The following RGS6 variants were observed in gnomAD, a reference collection of about 807,000 sequenced individuals.
RGS6 encodes regulator of G protein signaling 6, also known as regulator of G-protein signaling 6.
RGS6 carries 30 observed loss-of-function variants against 78.5 expected under a neutral mutation model. The ratio of observed to expected loss-of-function variants is 0.38; its 90% CI spans 0.29 to 0.52. The LOEUF (loss-of-function observed/expected upper bound fraction) is 0.52. RGS6 is among the 20% of genes least tolerant of loss of function. The pLI is 0.85. For missense variants in RGS6, 495 were observed against 609.7 expected (o/e 0.81, Z 1.98); for synonymous variants, 206 against 206.0 (o/e 1.00, Z 0.00).
intron 2 of RGS6, among the ~76,000 whole-genome samples, chr14:72,327,132 A>G (rs1000243922): frequency 2.6e-5 from 4 of 152,202 alleles, no homozygotes; most frequent in African/African-American, 9.7e-5. Context: ...TTTTTAATGT[A>G]TCCCCTTTTT....
intron 3 of RGS6, among the ~76,000 whole-genome samples, chr14:72,354,261 G>C (rs564673133): frequency 7.2e-4 from 110 of 152,114 alleles, no homozygotes; most frequent in African/African-American, 2.6e-3. Context: ...TACCATCATA[G>C]GTTCTGGTAA....
chr14:71,872,298 C>A, the RGS6 span, among the ~76,000 whole-genome samples: 3 of 152,006 alleles, frequency 2.0e-5, no homozygotes, highest in East Asian at 5.8e-4. Context: ...GACACTCCTA[C>A]CCTCTTGCCT....
At chr14:72,077,523 A>G (rs904572050) in intron 2 of RGS6, among the ~76,000 whole-genome samples, 7 of 152,110 alleles carry the variant, frequency 4.6e-5, no homozygotes, top group African/African-American at 7.2e-5. Flanking sequence ...AGAGTTATCA[A>G]CTCGTTGGAA....
intron 2 of RGS6, among the ~76,000 whole-genome samples, chr14:72,236,711 C>A (rs1009578283): frequency 6.6e-6 from 1 of 151,660 alleles, no homozygotes; most frequent in Non-Finnish European, 1.5e-5. Flanking sequence ...ACTTCCCACA[C>A]GGTGAGGGGG....
the RGS6 span, among the ~76,000 whole-genome samples, chr14:71,914,766 T>G: frequency 6.6e-6 from 1 of 151,940 alleles, no homozygotes. Flanking sequence ...AATATAGACA[T>G]GCACACTATT....
intron 2 of RGS6, among the ~76,000 whole-genome samples, chr14:71,984,298 TAAAA>T (rs59180817): frequency 0.25 from 30,207 of 119,962 alleles, 3,231 homozygotes; most frequent in East Asian, 0.28. Context: ...TGAATTATGT[TAAAA>T]AAAAAAAAAA....
chr14:72,331,823 T>A (rs2075112904), intron 2 of RGS6, among the ~76,000 whole-genome samples: 1 of 152,206 alleles, frequency 6.6e-6, no homozygotes, highest in African/African-American at 2.4e-5. Context: ...CAATTTTGTT[T>A]TTCTCCGTGG....
Position 72,053,079 on chromosome 14 carries a change from C to CCCTTCCTTCCTTCCTTCCTT in RGS6, c.84+88237_84+88256dup, listed in dbSNP as rs1226350902. Among the ~76,000 whole-genome samples, 91 of 16,958 alleles carry CCCTTCCTTCCTTCCTTCCTT rather than the reference C, an allele frequency of 5.4e-3. 2 individuals carry two copies. The highest frequency in any genetic ancestry group is 6.8e-3 in the African/African-American group (20 of 2,928). The allele number at this position is 16,958 out of a possible 152,430, so 11.1% of individuals were successfully genotyped here. A position where few individuals can be genotyped will look rare whatever the true frequency, so the allele number is the denominator to read the frequency against. ...TCCCTCCCTCCCTCCCTCCCTCCCT[C>CCCTTCCTTCCTTCCTTCCTT]CCTTCCTTCCTTCCTTCCTTCCTTC... On this transcript the variant is annotated intron_variant, in intron 2 of 17. Transcript: ENST00000553525.
chr14:72,094,850 G>T (rs747630806), intron 2 of RGS6, among the ~76,000 whole-genome samples: 10 of 152,186 alleles, frequency 6.6e-5, no homozygotes, highest in Non-Finnish European at 1.3e-4. Flanking sequence ...AAGCACAACA[G>T]TTGTTTCTGC....
intron 3 of RGS6, among the ~76,000 whole-genome samples, chr14:72,402,669 C>G (rs2092543957): frequency 6.6e-6 from 1 of 151,886 alleles, no homozygotes; most frequent in Non-Finnish European, 1.5e-5. Context: ...TAAGTTAGTA[C>G]AGCCACTATG....
intron 17 of RGS6, among the ~76,000 whole-genome samples, chr14:72,561,775 A>C (rs2097679470): frequency 6.6e-6 from 1 of 152,206 alleles, no homozygotes; most frequent in South Asian, 2.1e-4. Flanking sequence ...TCTGGGTGCC[A>C]CAGATGGGAA....
chr14:72,113,321 G>A (rs1409037433), intron 2 of RGS6, among the ~76,000 whole-genome samples: 2 of 152,200 alleles, frequency 1.3e-5, no homozygotes, highest in African/African-American at 4.8e-5. Flanking sequence ...CTGAGTGTCA[G>A]AGTAATTGAG....
chr14:72,485,023 C>T (rs1598206530), intron 12 of RGS6, among the ~76,000 whole-genome samples: 1 of 151,346 alleles, frequency 6.6e-6, no homozygotes, highest in East Asian at 1.9e-4. Flanking sequence ...CACTCAAGAC[C>T]CAGTTCAAAG....
At chr14:72,412,037 T>C (rs1295548340) in intron 3 of RGS6, among the ~76,000 whole-genome samples, 1 of 152,094 alleles carries the variant, frequency 6.6e-6, no homozygotes, top group Non-Finnish European at 1.5e-5. Context: ...TCTTTTTATG[T>C]GGTGTCTCTG....
chr14:72,547,119 C>T, intron 17 of RGS6: 1 of 1,514,644 alleles, frequency 6.6e-7, no homozygotes, highest in East Asian at 2.5e-5. Context: ...AGCGGGAAGG[C>T]CGACCACTCA....
chr14:71,888,110 C>T, the RGS6 span, among the ~76,000 whole-genome samples: 37 of 152,046 alleles, frequency 2.4e-4, 1 homozygote, highest in Admixed American at 1.8e-3. Context: ...AAAGAACCTA[C>T]GTTGAAATAT....
At chr14:72,282,133 A>G (rs980132836) in intron 2 of RGS6, among the ~76,000 whole-genome samples, 1 of 152,212 alleles carries the variant, frequency 6.6e-6, no homozygotes, top group African/African-American at 2.4e-5. Flanking sequence ...GAATATCAGT[A>G]AAAATAAAGA....
the RGS6 span, among the ~76,000 whole-genome samples, chr14:72,587,171 C>T: frequency 6.6e-6 from 1 of 152,158 alleles, no homozygotes; most frequent in Non-Finnish European, 1.5e-5. Context: ...GATGGCTCAT[C>T]TAACTCATGC....
chr14:71,943,641 T>C (rs1366489543), intron 1 of RGS6, among the ~76,000 whole-genome samples: 2 of 152,164 alleles, frequency 1.3e-5, no homozygotes, highest in Non-Finnish European at 2.9e-5. Flanking sequence ...GATGCCTCTG[T>C]TTCCTGGAGG....
Sources: allele counts gnomAD v4.1 joint callset (sites outside exome capture counted in the v4.1 genomes callset), GRCh38; gene constraint gnomAD v4.1.1; transcripts MANE v1.5; gene names NCBI Gene and HGNC (gene_info 2026-07-23, HGNC 2026-07-21).